The following LARP4 variants were observed in gnomAD, a reference collection of about 807,000 sequenced individuals.
LARP4 encodes La ribonucleoprotein 4.
In LARP4, 29 loss-of-function variants were observed where a neutral mutation model predicts 92.9. That is an observed-to-expected ratio of 0.31 (90% CI 0.23 to 0.43). The LOEUF is 0.43. Among genes scored for constraint, LARP4 ranks in the 20% least tolerant of loss-of-function variants. The pLI is 1.00. For missense variants in LARP4, 732 were observed against 860.0 expected (o/e 0.85, Z 1.86); for synonymous variants, 279 against 284.1 (o/e 0.98, Z 0.18).
In LARP4 at chr12:50,435,655, T is replaced by A. The variant is rs143173663; in HGVS notation, c.535+31T>A. On this transcript the variant is annotated intron_variant, in intron 5 of 15. Coordinates refer to ENST00000398473, the MANE Select transcript of LARP4 (RefSeq NM_052879.5). The stretch of plus-strand genomic sequence containing the variant: ...TAAAAATACCTTTTAGCTTTTTTTT[T>A]AATTTTTAAACGTAAAATGTTATTT... 3.9e-4 allele frequency: 591 copies of A among 1,496,238 alleles called. 1 individual carries two copies. The African/African-American group carries it at 4.5e-3, about 11-fold the overall frequency. The allele number at this position is 1,496,238 out of a possible 1,614,324, so 92.7% of individuals were successfully genotyped here.
In LARP4 at chr12:50,477,468, CAT is replaced by C. The variant is rs564621543; in HGVS notation, c.*1606_*1607del. The stretch of plus-strand genomic sequence containing the variant: ...TGAACACTGGAAAGCACCATTGTGA[CAT>C]AGAGTAAACATCTTAGTAATATATT... On this transcript the variant is annotated 3_prime_UTR_variant, in exon 16 of 16. Transcript: ENST00000398473. The C allele has an allele frequency of 2.6e-5, 4 of 152,416 alleles. No individual in the cohort carries two copies. The highest frequency in any genetic ancestry group is 6.6e-5 in the Admixed American group (1 of 15,250). The allele number at this position is 152,416 out of a possible 1,614,324, so 9.4% of individuals were successfully genotyped here. A position where few individuals can be genotyped will look rare whatever the true frequency, so the allele number is the denominator to read the frequency against.
intron 3 of LARP4, among the ~76,000 whole-genome samples, chr12:50,429,569 A>T (rs1481144760): frequency 2.0e-5 from 3 of 152,180 alleles, no homozygotes; most frequent in Non-Finnish European, 4.4e-5. Context: ...GTGTGTCTAT[A>T]TATAAACAAC....
rs1371544349 is a variant in LARP4, at chr12:50,461,197, TGGG to T, written c.1187_1189del (p.Gly396del). On this transcript the variant is annotated inframe_deletion, in exon 11 of 16. Coordinates refer to ENST00000398473, the MANE Select transcript of LARP4 (RefSeq NM_052879.5). ...CACTCAACAGAGGGCTCTGTATCCT[TGGG>T]GGATGGACAGTTGAACAGATATAGT... 2 of 1,613,938 alleles carry T rather than the reference TGGG, an allele frequency of 1.2e-6. No homozygotes were observed. The highest frequency in any genetic ancestry group is 2.7e-5 in the African/African-American group (2 of 74,882).
intron 1 of LARP4, among the ~76,000 whole-genome samples, chr12:50,408,838 A>G (rs1325313377): frequency 6.6e-6 from 1 of 152,052 alleles, no homozygotes; most frequent in Non-Finnish European, 1.5e-5. Flanking sequence ...GTACTGAAAT[A>G]TTTGTTACAT....
intron 1 of LARP4, among the ~76,000 whole-genome samples, chr12:50,419,200 A>G (rs1947336073): frequency 6.6e-6 from 1 of 151,860 alleles, no homozygotes; most frequent in South Asian, 2.1e-4. Flanking sequence ...ATCTCTGTAA[A>G]AAATACAAAA....
At chr12:50,430,759 C>T (rs577804405) in intron 4 of LARP4, among the ~76,000 whole-genome samples, 189 bp downstream of exon 4, 2 of 151,950 alleles carry the variant, frequency 1.3e-5, no homozygotes, top group South Asian at 2.1e-4. Flanking sequence ...CTCCAGGGTT[C>T]AAGAGATTCT....
rs541336775 is a variant in LARP4 at position 50,420,224 on chromosome 12, A to G, written c.19-7538A>G. ...ATATAAAAAGGGAGCTTAGAAACTT[A>G]CTAGACAAGTTGAACAGCAAGTTAG... On this transcript the variant is annotated intron_variant, in intron 1 of 15. Coordinates refer to ENST00000398473, the MANE Select transcript of LARP4 (RefSeq NM_052879.5). Among the ~76,000 whole-genome samples, 9 of 152,282 alleles carry G rather than the reference A, an allele frequency of 5.9e-5. No homozygotes were observed. In the South Asian group the frequency reaches 1.9e-3, roughly 32 times the overall value.
rs1055630138 is a variant in LARP4, at chr12:50,433,937, G to A, written c.399-1551G>A. Among the ~76,000 whole-genome samples, 5 of 152,220 alleles carry A rather than the reference G, an allele frequency of 3.3e-5. No individual in the cohort carries two copies. The South Asian group carries it at 6.2e-4, about 19-fold the overall frequency. On this transcript the variant is annotated intron_variant, in intron 4 of 15. Transcript: ENST00000398473. ...TTACAGGTGTGAGCCACCATGCCTGGCCTCTATTTTAATAGAATGTAAAAG... is the reference window on the plus strand; with the variant it reads ...TTACAGGTGTGAGCCACCATGCCTGACCTCTATTTTAATAGAATGTAAAAG...
intron 1 of LARP4, among the ~76,000 whole-genome samples, chr12:50,406,063 C>T (rs2136256529): frequency 6.6e-6 from 1 of 152,114 alleles, no homozygotes; most frequent in South Asian, 2.1e-4. Flanking sequence ...TCCACTGATA[C>T]AGAACCTATG....
intron 13 of LARP4, 60 bp from the exon 14 acceptor site, chr12:50,473,355 G>A (rs564849911): frequency 8.7e-6 from 11 of 1,263,768 alleles, no homozygotes; most frequent in East Asian, 4.8e-5. Flanking sequence ...CTTATTAGAC[G>A]TGTATATCTT....
chr12:50,431,290 C>G (rs1319396205), intron 4 of LARP4, among the ~76,000 whole-genome samples: 11 of 151,596 alleles, frequency 7.3e-5, no homozygotes, highest in Non-Finnish European at 1.6e-4. Flanking sequence ...AGTGTAGTCT[C>G]CAGTCTGATA....
chr12:50,427,434 A>C (rs941444764), intron 1 of LARP4, among the ~76,000 whole-genome samples: 1 of 151,986 alleles, frequency 6.6e-6, no homozygotes, highest in Non-Finnish European at 1.5e-5. Flanking sequence ...TTTATAGCTC[A>C]CTGTAGCCTC....
In LARP4 at chr12:50,423,100, G is replaced by A. The variant is rs139519875; in HGVS notation, c.19-4662G>A. On this transcript the variant is annotated intron_variant, in intron 1 of 15. Transcript: ENST00000398473. The stretch of plus-strand genomic sequence containing the variant: ...CTCCCACAGTGTTGGGATTACAGGC[G>A]TGAGCCACCGCGCCTGGCTGGAAAA... 8.7e-3 allele frequency among the ~76,000 whole-genome samples: 1,328 copies of A among 152,152 alleles called. 17 individuals are homozygous for A. The highest frequency in any genetic ancestry group is 0.03 in the African/African-American group (1,237 of 41,516).
chr12:50,433,640 CTTT>C (rs111833032), intron 4 of LARP4, among the ~76,000 whole-genome samples: 5 of 137,932 alleles, frequency 3.6e-5, no homozygotes, highest in African/African-American at 5.3e-5. Context: ...TAAGGAATAT[CTTT>C]TTTTTTTTTT....
At chr12:50,404,556 T>G (rs143862176) in intron 1 of LARP4, among the ~76,000 whole-genome samples, 5 of 152,200 alleles carry the variant, frequency 3.3e-5, no homozygotes, top group South Asian at 2.1e-4. Context: ...CCAACTATAT[T>G]GACTTCAGTA....
At chr12:50,443,016 A>G (rs1951464006) in intron 8 of LARP4, among the ~76,000 whole-genome samples, 1 of 152,130 alleles carries the variant, frequency 6.6e-6, no homozygotes, top group South Asian at 2.1e-4. Context: ...TATTCTCCTG[A>G]GTCTTCTTAA....
intron 5 of LARP4, 27 bp from the exon 6 acceptor site, chr12:50,437,708 A>C: frequency 7.4e-5 from 96 of 1,303,124 alleles, no homozygotes; most frequent in Non-Finnish European, 1.0e-4. Flanking sequence ...GTCACGTTTG[A>C]GTGATACCCT....
At chr12:50,428,318 A>C (rs371487118) in intron 2 of LARP4, among the ~76,000 whole-genome samples, 3 of 152,232 alleles carry the variant, frequency 2.0e-5, no homozygotes, top group South Asian at 4.1e-4. Flanking sequence ...GTGAACCACC[A>C]TGCCTGGCCA....
At chr12:50,467,375 C>G (rs1279153319) in intron 13 of LARP4, among the ~76,000 whole-genome samples, 1 of 151,634 alleles carries the variant, frequency 6.6e-6, no homozygotes, top group Non-Finnish European at 1.5e-5. Flanking sequence ...ACTGCAACCT[C>G]TACCTCCTTG....
Sources: gnomAD v4.1 joint callset for allele counts (sites outside exome capture counted in the v4.1 genomes callset) on GRCh38, gnomAD v4.1.1 for gene constraint, MANE v1.5 for transcripts, NCBI Gene and HGNC (gene_info 2026-07-23, HGNC 2026-07-21) for gene names.